ALKBH8: variants seen among roughly 807,000 people sequenced by gnomAD.
ALKBH8 encodes the protein alkB homolog 8, tRNA methyltransferase.
A neutral mutation model predicts 59.8 loss-of-function variants in ALKBH8; 36 were observed. The observed-to-expected ratio is 0.60, with a 90% confidence interval of 0.46 to 0.79. ALKBH8 has a LOEUF of 0.79. ALKBH8 is among the 30% of genes least tolerant of loss of function. The pLI is 0.00. For missense variants in ALKBH8, 768 were observed against 801.0 expected (o/e 0.96, Z 0.50); for synonymous variants, 276 against 273.6 (o/e 1.01, Z -0.09).
chr11:107,515,921 G>A (rs1862844926), intron 10 of ALKBH8, among the ~76,000 whole-genome samples: 3 of 152,120 alleles, frequency 2.0e-5, no homozygotes, highest in South Asian at 2.1e-4. Flanking sequence ...TTTTAAGGAA[G>A]AAAATAAGGT....
chr11:107,525,090 T>A (rs1348998265), intron 9 of ALKBH8, among the ~76,000 whole-genome samples: 1 of 152,210 alleles, frequency 6.6e-6, no homozygotes, highest in African/African-American at 2.4e-5. Flanking sequence ...ATTTAGAAAC[T>A]TGACAAACCA....
intron 9 of ALKBH8, among the ~76,000 whole-genome samples, chr11:107,523,728 G>A (rs1439207659): frequency 6.7e-6 from 1 of 149,788 alleles, no homozygotes; most frequent in Non-Finnish European, 1.5e-5. Flanking sequence ...TCAGCCTCCC[G>A]AGTAGCTGGG....
chr11:107,521,805 T>C (rs1863123227), intron 10 of ALKBH8, among the ~76,000 whole-genome samples: 1 of 152,094 alleles, frequency 6.6e-6, no homozygotes, highest in Non-Finnish European at 1.5e-5. Flanking sequence ...AAGATACCAA[T>C]AAATAGAAAA....
chr11:107,528,832 T>C (rs1323101741), intron 8 of ALKBH8, among the ~76,000 whole-genome samples: 1 of 152,180 alleles, frequency 6.6e-6, no homozygotes, highest in Non-Finnish European at 1.5e-5. Context: ...AAAAACAGTT[T>C]TATAGATTTA....
intron 11 of ALKBH8, among the ~76,000 whole-genome samples, chr11:107,510,308 A>AAGAAAATATTAAATATTAAAT (rs2135471661): frequency 6.6e-6 from 1 of 152,296 alleles, no homozygotes; most frequent in African/African-American, 2.4e-5. Context: ...TAAAGAAAGA[A>AAGAAAATATTAAATATTAAAT]AGAAAATATT....
intron 7 of ALKBH8, among the ~76,000 whole-genome samples, chr11:107,545,459 G>A (rs1358694726): frequency 5.9e-5 from 9 of 152,156 alleles, no homozygotes; most frequent in Admixed American, 5.9e-4. Flanking sequence ...TAGGAGTCAG[G>A]CAGGACTCAA....
intron 7 of ALKBH8, among the ~76,000 whole-genome samples, chr11:107,539,003 CCA>C (rs1414160619): frequency 6.6e-6 from 1 of 152,154 alleles, no homozygotes; most frequent in Non-Finnish European, 1.5e-5. Context: ...CACCTGTTTC[CCA>C]CAGTCTACCA....
chr11:107,553,497 A>C (rs1291988765), intron 4 of ALKBH8, among the ~76,000 whole-genome samples: 1 of 152,118 alleles, frequency 6.6e-6, no homozygotes. Context: ...CCAATTTGCA[A>C]ATATCTCCAG....
chr11:107,552,103 AT>A (rs34582611), intron 5 of ALKBH8, among the ~76,000 whole-genome samples, 191 bp from the exon 6 acceptor site: 69,959 of 151,460 alleles, frequency 0.46, 17,316 homozygotes, highest in Non-Finnish European at 0.56. Flanking sequence ...CATTTCATTG[AT>A]TTTTTTTCAG....
intron 11 of ALKBH8, among the ~76,000 whole-genome samples, chr11:107,510,538 T>C (rs975459300): frequency 2.6e-5 from 4 of 152,236 alleles, no homozygotes; most frequent in Admixed American, 6.5e-5. Context: ...GGAGAGAGTA[T>C]ACTCAAGAAG....
chr11:107,548,096 C>G (rs1230839578), intron 7 of ALKBH8, among the ~76,000 whole-genome samples: 2 of 152,206 alleles, frequency 1.3e-5, no homozygotes, highest in African/African-American at 4.8e-5. Context: ...CTCCTGAAAA[C>G]AAGGAATGCC....
chr11:107,513,903 C>T (rs904904538), intron 10 of ALKBH8, among the ~76,000 whole-genome samples: 4 of 151,924 alleles, frequency 2.6e-5, no homozygotes, highest in Non-Finnish European at 5.9e-5. Context: ...GTCAAAGTGG[C>T]GGGGTGGTGT....
intron 1 of ALKBH8, chr11:107,565,208 G>A: frequency 4.3e-6 from 1 of 234,574 alleles, no homozygotes; most frequent in Non-Finnish European, 8.4e-6. Context: ...AGCACAGGAA[G>A]ACTCAGCTGC....
chr11:107,563,487 A>T (rs1244729529), intron 1 of ALKBH8: 1 of 152,200 alleles, frequency 6.6e-6, no homozygotes, highest in Non-Finnish European at 1.5e-5. Context: ...GATAAAAATA[A>T]TAGTGCCTAT....
chr11:107,527,511 T>C (rs976629893), intron 8 of ALKBH8, among the ~76,000 whole-genome samples: 1 of 152,058 alleles, frequency 6.6e-6, no homozygotes, highest in African/African-American at 2.4e-5. Context: ...CATATTTCAC[T>C]CCATCTGTTG....
In ALKBH8 at chr11:107,549,776, C is replaced by T. The variant is rs779534393; in HGVS notation, c.748G>A (p.Val250Ile). 4 of 1,549,788 alleles carry T rather than the reference C, an allele frequency of 2.6e-6. No individual in the cohort carries two copies. The highest frequency in any genetic ancestry group is 1.4e-5 in the African/African-American group (1 of 73,018). The change falls in exon 7 of 12, where the codon GTT becomes ATT. Residue 250 changes from valine to isoleucine, a missense_variant. Coordinates refer to ENST00000428149, the MANE Select transcript of ALKBH8 (RefSeq NM_138775.3). ...DTHSAFEDEI[V>I]SLSLGSEIVM... is the part of the protein sequence containing the mutation. ...ACCTCTGACCCCAAACTGAGAGAAA[C>T]GATCTCATCCTCAAAAGCGGAATGT... is the stretch of plus-strand genomic sequence containing the variant.
chr11:107,511,119 G>T, intron 10 of ALKBH8, 83 bp from the exon 11 acceptor site: 2 of 1,363,054 alleles, frequency 1.5e-6, no homozygotes, highest in South Asian at 1.3e-5. Context: ...ATACCTTAAA[G>T]TCATTAGACA....
At chr11:107,512,810 T>A (rs1862694603) in intron 10 of ALKBH8, among the ~76,000 whole-genome samples, 2 of 152,326 alleles carry the variant, frequency 1.3e-5, no homozygotes, top group Non-Finnish European at 2.9e-5. Context: ...GAATAAAGAC[T>A]ATGAATGCTC....
At chr11:107,534,298 A>G (rs1565331422) in intron 7 of ALKBH8, among the ~76,000 whole-genome samples, 1 of 152,168 alleles carries the variant, frequency 6.6e-6, no homozygotes, top group African/African-American at 2.4e-5. Context: ...ATTAGAGACA[A>G]TTATCTGTGG....
Sources: gnomAD v4.1 joint callset for allele counts (sites outside exome capture counted in the v4.1 genomes callset) on GRCh38, gnomAD v4.1.1 for gene constraint, MANE v1.5 for transcripts, NCBI Gene and HGNC (gene_info 2026-07-23, HGNC 2026-07-21) for gene names.